The following ADGRF4 variants were observed in gnomAD, a reference collection of about 807,000 sequenced individuals.
The protein encoded by ADGRF4 is G-protein coupled receptor PGR18.
A neutral mutation model predicts 58.5 loss-of-function variants in ADGRF4; 63 were observed. The observed-to-expected ratio is 1.08, with a 90% CI of 0.88 to 1.33. The LOEUF (loss-of-function observed/expected upper bound fraction) is 1.33, where lower values mean the gene tolerates loss of function less well. Among genes scored for constraint, ADGRF4 ranks in the 40% most tolerant of loss-of-function variants. The pLI is 0.00. For missense variants in ADGRF4, 931 were observed against 843.9 expected (o/e 1.10, Z -1.28); for synonymous variants, 313 against 295.4 (o/e 1.06, Z -0.61).
chr6:47,709,859 TG>T (rs966873681), intron 3 of ADGRF4, among the ~76,000 whole-genome samples: 5 of 150,794 alleles, frequency 3.3e-5, no homozygotes, highest in African/African-American at 1.2e-4. Flanking sequence ...GTTTTTTTTT[TG>T]TATTTTTGTG....
Position 47,712,544 on chromosome 6 carries a change from T to C in ADGRF4, c.488T>C (p.Ile163Thr). 6.2e-7 allele frequency: 1 copy of C among 1,604,970 alleles called. No homozygotes were observed. The highest frequency in any genetic ancestry group is 8.5e-7 in the Non-Finnish European group (1 of 1,171,570). The part of the protein sequence containing the change: ...SETTSGNIAF[I>T]VELLKNISTD... Reference sequence around the variant, plus strand: ...ACAACATCTGGAAATATTGCATTTATAGTGGAGTTATTAAAAAATATTTCT... The same window carrying C: ...ACAACATCTGGAAATATTGCATTTACAGTGGAGTTATTAAAAAATATTTCT... The change falls in exon 5 of 10, where the codon ATA becomes ACA. Residue 163 changes from isoleucine to threonine, a missense_variant. By Grantham distance (89) the Ile-to-Thr change is moderately conservative. Transcript: ENST00000283303.
chr6:47,717,466 C>T (rs192283140), intron 8 of ADGRF4, 115 bp downstream of exon 8: 45 of 748,738 alleles, frequency 6.0e-5, no homozygotes, highest in Admixed American at 2.7e-4. Flanking sequence ...ATCAATAAAG[C>T]GTACTTCATT....
At position 47,713,737 on chromosome 6, in the gene ADGRF4, A is replaced by C. The variant is rs953137773; in HGVS notation, c.553-61A>C. On this transcript the variant is annotated intron_variant, in intron 5 of 9. Transcript: ENST00000283303. ...ATCTTTAGAAATTTCAGGTTTTAGAAATCAACTTTGTACAACAATGTGTAA... is the reference window on the plus strand; with the variant it reads ...ATCTTTAGAAATTTCAGGTTTTAGACATCAACTTTGTACAACAATGTGTAA... 6.8e-5 allele frequency: 90 copies of C among 1,329,612 alleles called. 1 individual carries two copies. The highest frequency in any genetic ancestry group is 8.6e-5 in the Non-Finnish European group (86 of 996,004). 82.4% of individuals were successfully genotyped at this position (1,329,612 alleles called of 1,614,324 possible). A position where few individuals can be genotyped will look rare whatever the true frequency, so the allele number is the denominator to read the frequency against.
intron 1 of ADGRF4, among the ~76,000 whole-genome samples, chr6:47,704,602 G>A (rs1222782232): frequency 1.3e-5 from 2 of 152,082 alleles, no homozygotes; most frequent in African/African-American, 4.8e-5. Flanking sequence ...TAATCAAAAT[G>A]AATCTTATAG....
In ADGRF4 at chr6:47,699,366, G is replaced by T. The variant is rs552973773; in HGVS notation, c.-17+572G>T. ...GGTCTAAAGTGTTGCATCATTAGGTGCTGTTTATTTGTTTGTTTGTTTGTT... is the reference window on the plus strand; with the variant it reads ...GGTCTAAAGTGTTGCATCATTAGGTTCTGTTTATTTGTTTGTTTGTTTGTT... On this transcript the variant is annotated intron_variant, in intron 1 of 9. Coordinates refer to ENST00000283303, the MANE Select transcript of ADGRF4 (RefSeq NM_153838.5). 4.0e-4 allele frequency among the ~76,000 whole-genome samples: 61 copies of T among 152,260 alleles called. No homozygotes were observed. The South Asian group carries it at 0.012, about 30-fold the overall frequency.
chr6:47,715,460 TTG>T, intron 6 of ADGRF4: 1 of 296,910 alleles, frequency 3.4e-6, no homozygotes, highest in Admixed American at 4.6e-5. Context: ...GGACTATTCT[TTG>T]GTCAGGGATA....
intron 1 of ADGRF4, among the ~76,000 whole-genome samples, chr6:47,706,804 ATTTT>A (rs1321871112): frequency 4.6e-5 from 7 of 152,194 alleles, no homozygotes; most frequent in Admixed American, 3.9e-4. Flanking sequence ...TTTGTCCCTT[ATTTT>A]CCCCAATGAT....
intron 3 of ADGRF4, 43 bp downstream of exon 3, chr6:47,708,321 A>G: frequency 6.8e-7 from 1 of 1,476,268 alleles, no homozygotes; most frequent in Non-Finnish European, 9.5e-7. Flanking sequence ...GAAGACAGGG[A>G]AGAATAAAGG....
chr6:47,712,977 G>A (rs763520078), intron 5 of ADGRF4, among the ~76,000 whole-genome samples: 8 of 152,164 alleles, frequency 5.3e-5, no homozygotes, highest in Non-Finnish European at 1.0e-4. Context: ...TACACAGCAG[G>A]AGGTGAGCGG....
Position 47,714,968 on chromosome 6 carries a change from A to G in ADGRF4, c.1723A>G (p.Ile575Val), listed in dbSNP as rs201596586. The change falls in exon 6 of 10, where the codon ATT (isoleucine) becomes GTT (valine). Residue 575 changes from isoleucine to valine, a missense_variant. Physicochemically the swap from Ile to Val is conservative, Grantham distance 29 (BLOSUM62 3). Transcript: ENST00000283303. ...PAFVIVAVNL[I>V]VVLVVAVNTQ... ...GTTCGTCATTGTGGCTGTAAATCTG[A>G]TTGTGGTTTTGGTTGTTGCTGTCAA... 13 of 1,613,552 alleles carry G rather than the reference A, an allele frequency of 8.1e-6. No homozygotes were observed. The highest frequency in any genetic ancestry group is 5.1e-6 in the Non-Finnish European group (6 of 1,179,588).
intron 8 of ADGRF4, among the ~76,000 whole-genome samples, chr6:47,717,688 C>A (rs935244951): frequency 6.6e-6 from 1 of 152,168 alleles, no homozygotes; most frequent in Non-Finnish European, 1.5e-5. Flanking sequence ...CTAGTCCAAC[C>A]CATTCATTTT....
In ADGRF4 at chr6:47,710,884, A is replaced by G; in HGVS notation, c.298A>G (p.Lys100Glu). Reference sequence around the variant, plus strand: ...AAGCCTTTCTGTGGAAAAACTCTTTAAGGTGATGCATTCACAAATTATTGG... The same window carrying G: ...AAGCCTTTCTGTGGAAAAACTCTTTGAGGTGATGCATTCACAAATTATTGG... ...CTSLSVEKLF[K>E]DSTGASRLSV... Residue 100 changes from lysine (K) to glutamate (E), a missense_variant and splice_region_variant, in exon 4 of 10, where the codon AAG becomes GAG. Coordinates refer to ENST00000283303, the MANE Select transcript of ADGRF4 (RefSeq NM_153838.5). 6.2e-7 allele frequency: 1 copy of G among 1,609,270 alleles called. No homozygotes were observed. The highest frequency in any genetic ancestry group is 8.5e-7 in the Non-Finnish European group (1 of 1,178,734).
Position 47,710,892 on chromosome 6 carries a change from G to T in ADGRF4, c.300+6G>T. 1.2e-6 allele frequency: 2 copies of T among 1,606,926 alleles called. No homozygotes were observed. Among genetic ancestry groups the T allele is most frequent in the Non-Finnish European group, 1.7e-6 (2 of 1,177,868 alleles). On this transcript the variant is annotated splice_donor_region_variant and intron_variant, in intron 4 of 9. Transcript: ENST00000283303. The stretch of plus-strand genomic sequence containing the variant: ...CTGTGGAAAAACTCTTTAAGGTGAT[G>T]CATTCACAAATTATTGGTGACAGAA...
At position 47,710,875 on chromosome 6, in the gene ADGRF4, A is replaced by G. The variant is rs753399838; in HGVS notation, c.289A>G (p.Lys97Glu). 2 of 1,612,462 alleles carry G rather than the reference A, an allele frequency of 1.2e-6. No individual in the cohort carries two copies. The highest frequency in any genetic ancestry group is 1.7e-6 in the Non-Finnish European group (2 of 1,179,592). ...AACATGTACAAGCCTTTCTGTGGAA[A>G]AACTCTTTAAGGTGATGCATTCACA... ...AETCTSLSVE[K>E]LFKDSTGASR... The change falls in exon 4 of 10, where the codon AAA (lysine) becomes GAA (glutamate). Residue 97 changes from lysine (K) to glutamate (E), a missense_variant. Physicochemically the swap from Lys to Glu is moderately conservative, Grantham distance 56 (BLOSUM62 1). Coordinates refer to ENST00000283303, the MANE Select transcript of ADGRF4 (RefSeq NM_153838.5).
intron 1 of ADGRF4, among the ~76,000 whole-genome samples, chr6:47,706,369 A>G (rs1771709959): frequency 6.6e-6 from 1 of 152,186 alleles, no homozygotes; most frequent in Admixed American, 6.5e-5. Context: ...GTTTCTCTGT[A>G]TAGTAGTTTA....
At chr6:47,701,698 C>T (rs1242467638) in intron 1 of ADGRF4, among the ~76,000 whole-genome samples, 4 of 152,198 alleles carry the variant, frequency 2.6e-5, no homozygotes, top group Non-Finnish European at 2.9e-5. Flanking sequence ...AGCACAGTGA[C>T]GGGCATTAGG....
At chr6:47,718,220 T>C (rs983139740) in intron 8 of ADGRF4, among the ~76,000 whole-genome samples, 169 bp from the exon 9 acceptor site, 2 of 152,260 alleles carry the variant, frequency 1.3e-5, no homozygotes, top group Admixed American at 6.5e-5. Context: ...AATAACGATG[T>C]AGCTTACACT....
intron 9 of ADGRF4, among the ~76,000 whole-genome samples, chr6:47,720,216 C>A (rs1365623046): frequency 6.6e-6 from 1 of 152,028 alleles, no homozygotes; most frequent in African/African-American, 2.4e-5. Context: ...GAGACAGGGG[C>A]CCCACACACA....
chr6:47,701,788 A>T (rs1264184104), intron 1 of ADGRF4, among the ~76,000 whole-genome samples: 2 of 152,188 alleles, frequency 1.3e-5, no homozygotes, highest in Non-Finnish European at 1.5e-5. Flanking sequence ...ATTGTGATGG[A>T]ATAGCAGCTT....
Sources: gnomAD v4.1 joint callset for allele counts (sites outside exome capture counted in the v4.1 genomes callset) on GRCh38, gnomAD v4.1.1 for gene constraint, MANE v1.5 for transcripts, NCBI Gene and HGNC (gene_info 2026-07-23, HGNC 2026-07-21) for gene names.